LAMA2: variants seen among roughly 807,000 people sequenced by gnomAD.
LAMA2 encodes the protein laminin subunit alpha-2.
A neutral mutation model predicts 364.8 loss-of-function variants in LAMA2; 269 were observed. The observed-to-expected ratio is 0.74, with a 90% CI of 0.67 to 0.82. LAMA2 has a LOEUF of 0.82. LAMA2 is among the 40% of genes least tolerant of loss of function. LAMA2 has a pLI of 0.00. For missense variants in LAMA2, 3,807 were observed against 3,873.2 expected (o/e 0.98, Z 0.45); for synonymous variants, 1,379 against 1,370.6 (o/e 1.01, Z -0.14).
rs146526665 is a variant in LAMA2, at chr6:129,439,324, G to A, written c.6085+562G>A. 6.6e-4 allele frequency among the ~76,000 whole-genome samples: 101 copies of A among 152,008 alleles called. No individual in the cohort carries two copies. The East Asian group carries it at 0.016, about 25-fold the overall frequency. On this transcript the variant is annotated intron_variant, in intron 42 of 64. Coordinates refer to ENST00000421865, the MANE Select transcript of LAMA2 (RefSeq NM_000426.4). The stretch of plus-strand genomic sequence containing the variant: ...ATATCCAAATATCCAACTCTCCAAG[G>A]TTGGTTGAATTTACAGATACAGAGC...
intron 56 of LAMA2, among the ~76,000 whole-genome samples, chr6:129,486,966 A>C (rs1270654760): frequency 6.6e-6 from 1 of 152,204 alleles, no homozygotes; most frequent in Non-Finnish European, 1.5e-5. Flanking sequence ...AAACTCACAA[A>C]TCAGCTCCAC....
rs543793825 is a variant in LAMA2, at chr6:129,083,164, T to C, written c.397-15009T>C. Among the ~76,000 whole-genome samples the C allele has an allele frequency of 2.6e-4, 40 of 152,282 alleles. 1 individual carries two copies. The South Asian group carries it at 7.9e-3, about 30-fold the overall frequency. On this transcript the variant is annotated intron_variant, in intron 3 of 64. Transcript: ENST00000421865. ...CACTAATAAAGATAAAAATAAACTT[T>C]ATAAAGTTTTACATTTTGTAACTGG...
At chr6:129,511,725 T>TA (rs34028299) in intron 62 of LAMA2, among the ~76,000 whole-genome samples, 106,409 of 150,364 alleles carry the variant, frequency 0.71, 38,157 homozygotes, top group East Asian at 0.77. Flanking sequence ...GCTCAAAGAT[T>TA]AAAAAAAAAA....
intron 3 of LAMA2, among the ~76,000 whole-genome samples, chr6:129,068,324 AC>A (rs1313916435): frequency 2.6e-5 from 4 of 152,238 alleles, no homozygotes; most frequent in African/African-American, 9.6e-5. Flanking sequence ...GGCTATTATA[AC>A]AAAGTACCAG....
chr6:129,491,081 T>TAAG (rs1258029082), intron 56 of LAMA2: 3 of 152,332 alleles, frequency 2.0e-5, no homozygotes, highest in Non-Finnish European at 4.4e-5. Flanking sequence ...AGATATGAAG[T>TAAG]AAGTTTTCAG....
At chr6:129,116,660 C>CAG (rs56709218) in intron 4 of LAMA2, among the ~76,000 whole-genome samples, 38,894 of 151,892 alleles carry the variant, frequency 0.26, 5,744 homozygotes, top group African/African-American at 0.42. Context: ...GATGAATTAA[C>CAG]AGTTTCAGAG....
At chr6:129,358,959 A>G (rs892751444) in intron 32 of LAMA2, among the ~76,000 whole-genome samples, 7 of 151,956 alleles carry the variant, frequency 4.6e-5, no homozygotes, top group African/African-American at 1.7e-4. Flanking sequence ...AGCCCTTCAC[A>G]TGCATTATTT....
At chr6:129,100,561 T>C (rs1024526410) in intron 4 of LAMA2, among the ~76,000 whole-genome samples, 10 of 152,212 alleles carry the variant, frequency 6.6e-5, no homozygotes, top group African/African-American at 2.4e-4. Flanking sequence ...AATGATAATA[T>C]AACTGAAATA....
intron 58 of LAMA2, among the ~76,000 whole-genome samples, chr6:129,494,126 G>T (rs1187752484): frequency 6.6e-6 from 1 of 152,150 alleles, no homozygotes; most frequent in Non-Finnish European, 1.5e-5. Context: ...ATACAACAAA[G>T]ATGGTCACAG....
At chr6:129,394,705 A>G (rs1779510623) in intron 37 of LAMA2, among the ~76,000 whole-genome samples, 1 of 152,234 alleles carries the variant, frequency 6.6e-6, no homozygotes, top group African/African-American at 2.4e-5. Flanking sequence ...CCGTTTGATA[A>G]ATGAAAATTA....
At chr6:129,207,845 C>T (rs561529393) in intron 12 of LAMA2, among the ~76,000 whole-genome samples, 1 of 151,488 alleles carries the variant, frequency 6.6e-6, no homozygotes, top group Non-Finnish European at 1.5e-5. Context: ...TAAACAAGAA[C>T]ATCACCTTGA....
Position 129,342,336 on chromosome 6 carries a change from T to C in LAMA2, c.4312-7T>C. 6.2e-7 allele frequency: 1 copy of C among 1,612,248 alleles called. No individual in the cohort carries two copies. Among genetic ancestry groups the C allele is most frequent in the Non-Finnish European group, 8.5e-7 (1 of 1,178,650 alleles). ...AAAACAAACTTCTTCTCCCTTTTCC[T>C]TTACAGAATTGTCAACATCACACTG... On this transcript the variant is annotated splice_region_variant and splice_polypyrimidine_tract_variant and intron_variant, in intron 29 of 64. Coordinates refer to ENST00000421865, the MANE Select transcript of LAMA2 (RefSeq NM_000426.4).
chr6:129,486,674 G>A lies in LAMA2; in HGVS notation c.7898+52G>A, dbSNP rs750310789. On this transcript the variant is annotated intron_variant, in intron 56 of 64. Coordinates refer to ENST00000421865, the MANE Select transcript of LAMA2 (RefSeq NM_000426.4). ...ATTGTAACTCAGGTGAACTTCCTTT[G>A]CTAGCATCGGTATCTATCAGTATCT... 2.0e-6 allele frequency: 3 copies of A among 1,526,552 alleles called. No homozygotes were observed. In the South Asian group the frequency reaches 3.4e-5, roughly 17 times the overall value. 94.6% of individuals were successfully genotyped at this position (1,526,552 alleles called of 1,614,324 possible). A position where few individuals can be genotyped will look rare whatever the true frequency, so the allele number is the denominator to read the frequency against.
intron 30 of LAMA2, among the ~76,000 whole-genome samples, chr6:129,343,334 T>G (rs1431815636): frequency 6.6e-6 from 1 of 152,192 alleles, no homozygotes; most frequent in Non-Finnish European, 1.5e-5. Flanking sequence ...GCCTACTCAC[T>G]TTCTTCTTAA....
chr6:129,087,910 T>TTTA (rs1774481057), intron 3 of LAMA2, among the ~76,000 whole-genome samples: 2 of 150,236 alleles, frequency 1.3e-5, no homozygotes, highest in Non-Finnish European at 3.0e-5. Context: ...TTATTTATTT[T>TTTA]TTTTATTAAT....
chr6:129,413,381 G>A (rs969687527), intron 40 of LAMA2, among the ~76,000 whole-genome samples: 2 of 152,052 alleles, frequency 1.3e-5, no homozygotes, highest in East Asian at 1.9e-4. Flanking sequence ...AAAAGTGATA[G>A]ATCAAGCAAA....
chr6:129,197,692 G>T (rs1214301301), intron 12 of LAMA2, among the ~76,000 whole-genome samples: 1 of 152,086 alleles, frequency 6.6e-6, no homozygotes, highest in Non-Finnish European at 1.5e-5. Flanking sequence ...AATTGATTGA[G>T]ACCTGTTTCT....
chr6:129,104,591 T>A (rs1455758855), intron 4 of LAMA2, among the ~76,000 whole-genome samples: 1 of 152,192 alleles, frequency 6.6e-6, no homozygotes, highest in Non-Finnish European at 1.5e-5. Context: ...AAGCCCCCAA[T>A]TTCAGCCTCT....
intron 3 of LAMA2, among the ~76,000 whole-genome samples, chr6:129,088,634 G>A (rs907604945): frequency 1.3e-5 from 2 of 151,120 alleles, no homozygotes; most frequent in African/African-American, 4.9e-5. Flanking sequence ...CTTCCCAGAT[G>A]GGGTAGCTGC....
Sources: allele counts gnomAD v4.1 joint callset (sites outside exome capture counted in the v4.1 genomes callset), GRCh38; gene constraint gnomAD v4.1.1; transcripts MANE v1.5; gene names NCBI Gene and HGNC (gene_info 2026-07-23, HGNC 2026-07-21).